ELP5: variants seen among roughly 807,000 people sequenced by gnomAD.
ELP5 encodes the protein elongator acetyltransferase complex subunit 5.
ELP5 carries 34 observed loss-of-function variants against 33.4 expected under a neutral mutation model. The observed-to-expected ratio is 1.02, with a 90% CI of 0.78 to 1.36. The LOEUF (loss-of-function observed/expected upper bound fraction) is 1.36, where lower values mean the gene tolerates loss of function less well. ELP5 is among the 40% of genes most tolerant of loss of function. The pLI is 0.00. For synonymous variants in ELP5, 161 were observed against 146.4 expected (o/e 1.10, Z -0.72); for missense variants, 373 against 371.7 (o/e 1.00, Z -0.03).
chr17:7,254,170 T>A (rs1472183862), intron 3 of ELP5, among the ~76,000 whole-genome samples: 1 of 152,218 alleles, frequency 6.6e-6, no homozygotes, highest in Admixed American at 6.5e-5. Context: ...GGACCAAATC[T>A]CACGTCCTCT....
At chr17:7,254,951 T>C in intron 4 of ELP5, 148 bp downstream of exon 4, 1 of 654,990 alleles carries the variant, frequency 1.5e-6, no homozygotes, top group Non-Finnish European at 2.6e-6. Context: ...TTTTTTTTTT[T>C]TTTACTTCTC....
At chr17:7,258,983 G>C in intron 7 of ELP5, 57 bp downstream of exon 7, 1 of 1,610,226 alleles carries the variant, frequency 6.2e-7, no homozygotes, top group Non-Finnish European at 8.5e-7. Flanking sequence ...TCTGGGCCAT[G>C]GAGAGGTTGG....
At chr17:7,254,045 T>C (rs918560930) in intron 3 of ELP5, among the ~76,000 whole-genome samples, 2 of 148,274 alleles carry the variant, frequency 1.3e-5, no homozygotes, top group Non-Finnish European at 1.5e-5. Flanking sequence ...AGAAAAGAGA[T>C]ATCTGGGAAA....
Position 7,252,228 on chromosome 17 carries a change from T to G in ELP5, c.-323T>G. ...GAGAGTGACGTCACTTGGCCCGCGC[T>G]TAGGGCCCTCGCGGGGGGCTTGTGG... On this transcript the variant is annotated 5_prime_UTR_variant, in exon 1 of 8. Transcript: ENST00000396628. The G allele has an allele frequency of 2.3e-6, 1 of 440,496 alleles. No homozygotes were observed. Among genetic ancestry groups the G allele is most frequent in the African/African-American group, 2.0e-5 (1 of 49,278 alleles). 27.3% of individuals were successfully genotyped at this position (440,496 alleles called of 1,614,324 possible).
intron 3 of ELP5, 39 bp downstream of exon 3, chr17:7,253,037 C>T (rs1246930609): frequency 6.3e-7 from 1 of 1,592,252 alleles, no homozygotes; most frequent in Non-Finnish European, 8.6e-7. Context: ...AAATTTGAGA[C>T]CTATAATGCT....
intron 5 of ELP5, 80 bp from the exon 6 acceptor site, chr17:7,258,508 G>A: frequency 7.3e-7 from 1 of 1,365,392 alleles, no homozygotes; most frequent in Admixed American, 1.9e-5. Context: ...TAGGTGATTG[G>A]GGGCTGAGGA....
chr17:7,255,795 C>T (rs2072062812), intron 4 of ELP5, among the ~76,000 whole-genome samples: 1 of 152,252 alleles, frequency 6.6e-6, no homozygotes, highest in Admixed American at 6.5e-5. Flanking sequence ...GGCGCAGTGG[C>T]TCATGCCTGT....
chr17:7,259,351 A>G (rs1310926513), intron 7 of ELP5: 1 of 1,402,454 alleles, frequency 7.1e-7, no homozygotes, highest in African/African-American at 1.5e-5. Context: ...TCAAGCTGCT[A>G]GGAACTTACG....
Position 7,252,460 on chromosome 17 carries a change from A to C in ELP5, c.-91A>C, listed in dbSNP as rs368963232. 24 of 1,588,948 alleles carry C rather than the reference A, an allele frequency of 1.5e-5. No individual in the cohort carries two copies. Among genetic ancestry groups the C allele is most frequent in the East Asian group, 1.3e-4 (6 of 44,540 alleles). Reference sequence around the variant, plus strand: ...GGTCTTAATGGTGGGAGGACGCCCGAGTGCTCGGCCCGTTTCACCCCGAGG... The same window carrying C: ...GGTCTTAATGGTGGGAGGACGCCCGCGTGCTCGGCCCGTTTCACCCCGAGG... On this transcript the variant is annotated 5_prime_UTR_variant, in exon 1 of 8. Coordinates refer to ENST00000396628, the MANE Select transcript of ELP5 (RefSeq NM_203414.3).
intron 5 of ELP5, among the ~76,000 whole-genome samples, chr17:7,257,647 G>A (rs1036686296): frequency 1.3e-5 from 2 of 151,908 alleles, no homozygotes; most frequent in South Asian, 4.1e-4. Flanking sequence ...CTGTTGCCCA[G>A]GCTGGTCTTG....
In ELP5 at chr17:7,258,861, C is replaced by G; in HGVS notation, c.723C>G (p.His241Gln). 6.2e-7 allele frequency: 1 copy of G among 1,614,180 alleles called. No homozygotes were observed. Among genetic ancestry groups the G allele is most frequent in the Non-Finnish European group, 8.5e-7 (1 of 1,180,026 alleles). ...DPTTHLTFNL[H>Q]LSKKEREARD... ...CAACTCATTTGACCTTTAACCTTCA[C>G]CTGTCCAAGAAAGAGAGAGAAGCCA... is the stretch of plus-strand genomic sequence containing the variant. Residue 241 changes from histidine (H) to glutamine (Q), a missense_variant, in exon 7 of 8, where the codon CAC (histidine) becomes CAG (glutamine). Coordinates refer to ENST00000396628, the MANE Select transcript of ELP5 (RefSeq NM_203414.3).
At position 7,256,846 on chromosome 17, in the gene ELP5, T is replaced by C. The variant is rs1484573270; in HGVS notation, c.410-11T>C. On this transcript the variant is annotated splice_polypyrimidine_tract_variant and intron_variant, in intron 4 of 7. Transcript: ENST00000396628. The stretch of plus-strand genomic sequence containing the variant: ...GCTCCCTACTATCCTACATTTCTTG[T>C]CCTCCTCTAGGTGACAGCTCCTCAG... 6 of 1,613,990 alleles carry C rather than the reference T, an allele frequency of 3.7e-6. No individual in the cohort carries two copies. The African/African-American group carries it at 6.7e-5, about 18-fold the overall frequency.
intron 7 of ELP5, chr17:7,259,203 C>G (rs1269767578): frequency 1.4e-6 from 2 of 1,388,254 alleles, no homozygotes; most frequent in Non-Finnish European, 1.9e-6. Flanking sequence ...GGAGGTGGCC[C>G]TATCCCTAGG....
chr17:7,255,649 C>G (rs948611135), intron 4 of ELP5, among the ~76,000 whole-genome samples: 1 of 152,170 alleles, frequency 6.6e-6, no homozygotes, highest in South Asian at 2.1e-4. Flanking sequence ...AGGAGTCAGA[C>G]GCCCAGCTTT....
chr17:7,254,255 A>T (rs962546842), intron 3 of ELP5, among the ~76,000 whole-genome samples: 79 of 152,348 alleles, frequency 5.2e-4, no homozygotes, highest in African/African-American at 1.8e-3. Context: ...GGTGATAACT[A>T]ACATTTATCA....
At chr17:7,258,448 C>CAAAAA in intron 5 of ELP5, 140 bp from the exon 6 acceptor site, 12 of 621,852 alleles carry the variant, frequency 1.9e-5, no homozygotes, top group Non-Finnish European at 2.1e-5. Context: ...GACCCTGTCT[C>CAAAAA]AAAAAAAAAA....
Position 7,257,448 on chromosome 17 carries a change from T to A in ELP5, c.591+410T>A, listed in dbSNP as rs1025472414. On this transcript the variant is annotated intron_variant, in intron 5 of 7. Transcript: ENST00000396628. The stretch of plus-strand genomic sequence containing the variant: ...CCCTTGGAGTTTTTTTTTTTTTTTT[T>A]ATTGGACAAGGTCTCACTGTTGCCC... Among the ~76,000 whole-genome samples the A allele has an allele frequency of 4.5e-4, 58 of 129,580 alleles. 1 individual carries two copies. Among genetic ancestry groups the A allele is most frequent in the South Asian group, 3.3e-3 (13 of 3,998 alleles). The allele number at this position is 129,580 out of a possible 152,430, so 85.0% of individuals were successfully genotyped here.
Position 7,252,442 on chromosome 17 carries a change from ATGG to A in ELP5, c.-105_-103del. ...TCATTCCAGACTATGTTAGGTCTTA[ATGG>A]TGGGAGGACGCCCGAGTGCTCGGCC... On this transcript the variant is annotated 5_prime_UTR_variant, in exon 1 of 8. Coordinates refer to ENST00000396628, the MANE Select transcript of ELP5 (RefSeq NM_203414.3). 2 of 1,527,326 alleles carry A rather than the reference ATGG, an allele frequency of 1.3e-6. No homozygotes were observed. The allele number at this position is 1,527,326 out of a possible 1,614,324, so 94.6% of individuals were successfully genotyped here.
intron 4 of ELP5, among the ~76,000 whole-genome samples, chr17:7,256,067 A>C (rs1032817492): frequency 7.4e-6 from 1 of 135,572 alleles, no homozygotes. Context: ...AAAAAATAAA[A>C]ACAGTCCGGG....
Sources: gnomAD v4.1 joint callset for allele counts (sites outside exome capture counted in the v4.1 genomes callset) on GRCh38, gnomAD v4.1.1 for gene constraint, MANE v1.5 for transcripts, NCBI Gene and HGNC (gene_info 2026-07-23, HGNC 2026-07-21) for gene names.